The following MCTP1 variants were observed in gnomAD, a reference collection of about 807,000 sequenced individuals.
MCTP1 encodes the protein multiple C2 and transmembrane domain containing 1.
MCTP1 carries 69 observed loss-of-function variants against 120.6 expected under a neutral mutation model. The observed-to-expected ratio is 0.57, with a 90% CI of 0.47 to 0.70. The LOEUF (loss-of-function observed/expected upper bound fraction) is 0.70. Among genes scored for constraint, MCTP1 ranks in the 30% least tolerant of loss-of-function variants. The pLI is 0.00. For synonymous variants in MCTP1, 529 were observed against 493.1 expected (o/e 1.07, Z -0.96); for missense variants, 1,203 against 1,248.8 (o/e 0.96, Z 0.55).
chr5:95,233,367 C>T (rs1278101551), intron 1 of MCTP1, among the ~76,000 whole-genome samples: 2 of 150,216 alleles, frequency 1.3e-5, no homozygotes, highest in East Asian at 3.9e-4. Flanking sequence ...CTTGCTCTGT[C>T]ACCTAGGCTG....
chr5:95,005,344 T>C (rs1201748964), intron 2 of MCTP1, among the ~76,000 whole-genome samples: 1 of 152,190 alleles, frequency 6.6e-6, no homozygotes, highest in Non-Finnish European at 1.5e-5. Flanking sequence ...TTTGAGTTAA[T>C]GCTGTAATGA....
At chr5:94,968,757 G>A (rs1040026287) in intron 2 of MCTP1, among the ~76,000 whole-genome samples, 6 of 152,168 alleles carry the variant, frequency 3.9e-5, no homozygotes, top group African/African-American at 9.6e-5. Context: ...AGGTTAGAGC[G>A]CCTTGCAGGG....
intron 2 of MCTP1, among the ~76,000 whole-genome samples, chr5:94,989,601 G>A (rs1344090622): frequency 6.6e-6 from 1 of 152,134 alleles, no homozygotes; most frequent in East Asian, 1.9e-4. Flanking sequence ...TGGAATCTCT[G>A]GAGTGGTAAG....
At chr5:95,085,404 AT>A (rs33917216) in intron 1 of MCTP1, among the ~76,000 whole-genome samples, 3 of 144,746 alleles carry the variant, frequency 2.1e-5, no homozygotes. Flanking sequence ...GATCCTTTAA[AT>A]TTTTTTTTTT....
intron 19 of MCTP1, among the ~76,000 whole-genome samples, chr5:94,752,015 G>A (rs892777355): frequency 8.8e-5 from 13 of 148,340 alleles, no homozygotes; most frequent in Non-Finnish European, 1.9e-4. Context: ...GCTAAATGAC[G>A]AGTTAATGGG....
At chr5:95,156,232 C>A (rs1745115398) in intron 1 of MCTP1, among the ~76,000 whole-genome samples, 1 of 152,118 alleles carries the variant, frequency 6.6e-6, no homozygotes, top group Admixed American at 6.5e-5. Context: ...CCCACGGAGA[C>A]TGAGATAAGA....
intron 19 of MCTP1, among the ~76,000 whole-genome samples, chr5:94,743,118 GA>G (rs1765913974): frequency 7.2e-6 from 1 of 139,500 alleles, no homozygotes; most frequent in Non-Finnish European, 1.5e-5. Context: ...AGAATCTAAT[GA>G]AAACACTGAT....
intron 1 of MCTP1, among the ~76,000 whole-genome samples, chr5:95,233,571 C>T (rs552466397): frequency 4.7e-4 from 72 of 152,194 alleles, no homozygotes; most frequent in African/African-American, 1.6e-3. Context: ...CCTCGTGATC[C>T]GCCCGCCTCG....
chr5:94,716,227 C>T (rs1484096257), intron 19 of MCTP1, among the ~76,000 whole-genome samples: 1 of 152,112 alleles, frequency 6.6e-6, no homozygotes, highest in Non-Finnish European at 1.5e-5. Flanking sequence ...TATTATTCAT[C>T]TTGCTTATGC....
chr5:94,899,849 G>A (rs1805043740), intron 10 of MCTP1, among the ~76,000 whole-genome samples: 1 of 152,130 alleles, frequency 6.6e-6, no homozygotes, highest in Admixed American at 6.5e-5. Flanking sequence ...CCTGCCTCAT[G>A]TTCTTTCTTT....
At chr5:95,082,745 T>C (rs761572199) in intron 1 of MCTP1, among the ~76,000 whole-genome samples, 11 of 152,186 alleles carry the variant, frequency 7.2e-5, no homozygotes, top group Admixed American at 4.6e-4. Context: ...TGTTTTGCAC[T>C]TGTGTGACAT....
chr5:95,168,754 C>T (rs1746790569), intron 1 of MCTP1, among the ~76,000 whole-genome samples: 1 of 151,994 alleles, frequency 6.6e-6, no homozygotes, highest in Non-Finnish European at 1.5e-5. Context: ...ATTTTTATCC[C>T]GAGACTTTGC....
intron 1 of MCTP1, among the ~76,000 whole-genome samples, chr5:95,128,469 C>A (rs1010851059): frequency 6.6e-5 from 10 of 152,142 alleles, no homozygotes; most frequent in African/African-American, 2.2e-4. Flanking sequence ...TATACATGTA[C>A]AAGGGAATAT....
chr5:95,087,729 C>T (rs79589460), intron 1 of MCTP1, among the ~76,000 whole-genome samples: 5,031 of 152,274 alleles, frequency 0.033, 125 homozygotes, highest in Non-Finnish European at 0.051. Context: ...GGGTAGGGTG[C>T]TAGAGGCTGG....
chr5:94,822,193 A>C (rs1785824776), intron 17 of MCTP1, among the ~76,000 whole-genome samples: 1 of 152,110 alleles, frequency 6.6e-6, no homozygotes, highest in Non-Finnish European at 1.5e-5. Context: ...TATTTCTCCT[A>C]ATACTATCCC....
At chr5:94,986,977 A>C (rs1350151460) in intron 2 of MCTP1, among the ~76,000 whole-genome samples, 1 of 152,204 alleles carries the variant, frequency 6.6e-6, no homozygotes, top group Non-Finnish European at 1.5e-5. Flanking sequence ...CATCCTCTGT[A>C]TACTTCAAAT....
chr5:95,025,512 T>A (rs1410362814), intron 1 of MCTP1, among the ~76,000 whole-genome samples: 1 of 152,210 alleles, frequency 6.6e-6, no homozygotes, highest in Non-Finnish European at 1.5e-5. Flanking sequence ...TTGCAGATTA[T>A]AACACAGGAT....
rs184612269 is a variant in MCTP1 at position 94,978,238 on chromosome 5, G to A, written c.839-24877C>T. ...AGGATGTGAAGAAATCTGAACCCTT[G>A]TACACTGTTGGTGGGAATGCAAAAT... On this transcript the variant is annotated intron_variant, in intron 2 of 22. Transcript: ENST00000515393. Among the ~76,000 whole-genome samples, 396 of 152,128 alleles carry A rather than the reference G, an allele frequency of 2.6e-3. 1 individual carries two copies. The highest frequency in any genetic ancestry group is 8.8e-3 in the African/African-American group (367 of 41,512).
At chr5:95,023,135 G>A (rs1222460364) in intron 1 of MCTP1, among the ~76,000 whole-genome samples, 1 of 152,090 alleles carries the variant, frequency 6.6e-6, no homozygotes, top group Non-Finnish European at 1.5e-5. Context: ...TCACTCTGTG[G>A]GCAACATGAA....
Sources: gnomAD v4.1 joint callset for allele counts (sites outside exome capture counted in the v4.1 genomes callset) on GRCh38, gnomAD v4.1.1 for gene constraint, MANE v1.5 for transcripts, NCBI Gene and HGNC (gene_info 2026-07-23, HGNC 2026-07-21) for gene names.